Variants in GLUD1 observed in about 807,000 individuals in gnomAD.
GLUD1 encodes glutamate dehydrogenase 1, mitochondrial.
GLUD1 carries 22 observed loss-of-function variants against 56.0 expected under a neutral mutation model. The observed-to-expected ratio is 0.39, with a 90% CI of 0.28 to 0.56. The LOEUF is 0.56. Ranked by LOEUF, GLUD1 falls within the 20% of genes least tolerant of loss-of-function variation. The pLI, the probability that GLUD1 is intolerant of heterozygous loss-of-function variation, is 0.58. For synonymous variants in GLUD1, 223 were observed against 269.9 expected (o/e 0.83, Z 1.70); for missense variants, 451 against 732.0 (o/e 0.62, Z 4.43).
In GLUD1 at chr10:87,060,143, T is replaced by C. The variant is rs191637320; in HGVS notation, c.1278+18A>G. On this transcript the variant is annotated intron_variant, in intron 9 of 12. Transcript: ENST00000277865. ...GATTCTAAGTACATATAAAGCCTAATAAATATAGATGACTTACTGGAATAA... is the reference window on the plus strand; with the variant it reads ...GATTCTAAGTACATATAAAGCCTAACAAATATAGATGACTTACTGGAATAA... The C allele has an allele frequency of 3.4e-6, 5 of 1,475,808 alleles. No homozygotes were observed. The Admixed American group carries it at 6.7e-5, about 20-fold the overall frequency. The allele number at this position is 1,475,808 out of a possible 1,614,324, so 91.4% of individuals were successfully genotyped here.
At chr10:87,056,217 A>T (rs117535427) in intron 11 of GLUD1, among the ~76,000 whole-genome samples, 2,036 of 151,024 alleles carry the variant, frequency 0.013, 22 homozygotes, top group Middle Eastern at 0.031. Context: ...AAGATGTATT[A>T]TAAGATATAA....
intron 11 of GLUD1, among the ~76,000 whole-genome samples, chr10:87,054,612 G>A (rs1845717886): frequency 6.6e-6 from 1 of 152,234 alleles, no homozygotes; most frequent in African/African-American, 2.4e-5. Context: ...TCTTGGTGGA[G>A]TAGGTTCAAG....
intron 1 of GLUD1, among the ~76,000 whole-genome samples, chr10:87,080,905 G>A (rs1421598329): frequency 7.1e-6 from 1 of 140,982 alleles, no homozygotes; most frequent in Non-Finnish European, 1.5e-5. Context: ...GGGCGCCTCT[G>A]CCCAGCCGCC....
chr10:87,090,756 C>G (rs1021379564), intron 1 of GLUD1, among the ~76,000 whole-genome samples: 4 of 152,180 alleles, frequency 2.6e-5, no homozygotes, highest in African/African-American at 9.7e-5. Context: ...GCAGCAGATG[C>G]AGACACACAG....
chr10:87,084,196 T>G (rs1841330409), intron 1 of GLUD1, among the ~76,000 whole-genome samples: 1 of 152,246 alleles, frequency 6.6e-6, no homozygotes, highest in Non-Finnish European at 1.5e-5. Context: ...TGTACTACAA[T>G]GGGAACTTTT....
intron 11 of GLUD1, 89 bp downstream of exon 11, chr10:87,057,602 G>C (rs1170787668): frequency 5.0e-6 from 4 of 794,778 alleles, no homozygotes; most frequent in Non-Finnish European, 9.2e-6. Flanking sequence ...CAAAGACTAT[G>C]CCGCAGATGA....
chr10:87,055,898 G>A (rs1482112838), intron 11 of GLUD1, among the ~76,000 whole-genome samples: 1 of 151,708 alleles, frequency 6.6e-6, no homozygotes, highest in African/African-American at 2.4e-5. Flanking sequence ...GGTGGATCAC[G>A]AGGTCAGGGG....
At chr10:87,081,946 CAA>C (rs71019464) in intron 1 of GLUD1, among the ~76,000 whole-genome samples, 2,144 of 85,632 alleles carry the variant, frequency 0.025, 49 homozygotes, top group African/African-American at 0.077. Context: ...ATGATCAATA[CAA>C]AAAAAAAAAA....
At chr10:87,072,700 TCAAGTCTGATAAAATTAAG>T (rs1489658426) in intron 4 of GLUD1, among the ~76,000 whole-genome samples, 1 of 152,220 alleles carries the variant, frequency 6.6e-6, no homozygotes, top group East Asian at 1.9e-4. Flanking sequence ...TAGGTACTTG[TCAAGTCTGATAAAATTAAG>T]CTGGAGATAT....
intron 1 of GLUD1, chr10:87,089,809 A>T (rs1293990389): frequency 1.6e-6 from 1 of 643,948 alleles, no homozygotes; most frequent in East Asian, 1.4e-4. Context: ...GAAAATATTG[A>T]TTCATTTGAA....
chr10:87,084,012 T>C (rs1036542838), intron 1 of GLUD1, among the ~76,000 whole-genome samples: 1 of 152,184 alleles, frequency 6.6e-6, no homozygotes, highest in African/African-American at 2.4e-5. Flanking sequence ...TACACAGGTG[T>C]CAGCCACAGA....
chr10:87,091,792 T>C (rs1475232886), intron 1 of GLUD1, among the ~76,000 whole-genome samples: 1 of 152,148 alleles, frequency 6.6e-6, no homozygotes, highest in African/African-American at 2.4e-5. Context: ...AGGGATAAGG[T>C]TGTTCTTGAG....
intron 1 of GLUD1, among the ~76,000 whole-genome samples, chr10:87,080,395 G>A (rs1841189771): frequency 6.6e-6 from 1 of 151,838 alleles, no homozygotes; most frequent in Non-Finnish European, 1.5e-5. Flanking sequence ...CTGCCTGGCC[G>A]CCCATCGTCT....
At position 87,051,695 on chromosome 10, in the gene GLUD1, T is replaced by G. The variant is rs1564759767; in HGVS notation, c.*56A>C. The G allele has an allele frequency of 6.3e-7, 1 of 1,584,124 alleles. No homozygotes were observed. The highest frequency in any genetic ancestry group is 1.3e-5 in the African/African-American group (1 of 74,446). ...TCTGTGGTTACATGTAAACTTGTGA[T>G]AGGTCTGCAGAAGTTACATGTGAAG... On this transcript the variant is annotated 3_prime_UTR_variant, in exon 13 of 13. Transcript: ENST00000277865.
At chr10:87,052,792 C>T (rs926923313) in intron 12 of GLUD1, among the ~76,000 whole-genome samples, 2 of 150,482 alleles carry the variant, frequency 1.3e-5, no homozygotes, top group African/African-American at 4.9e-5. Flanking sequence ...TGAATTTATA[C>T]CACATACACC....
At chr10:87,058,898 GA>G (rs906796992) in intron 10 of GLUD1, among the ~76,000 whole-genome samples, 11 of 146,106 alleles carry the variant, frequency 7.5e-5, no homozygotes, top group South Asian at 2.2e-4. Context: ...CTCAAAAAAA[GA>G]AAAAAAAAAT....
intron 1 of GLUD1, among the ~76,000 whole-genome samples, chr10:87,084,429 A>G (rs1327993331): frequency 1.3e-5 from 2 of 152,258 alleles, no homozygotes; most frequent in African/African-American, 2.4e-5. Context: ...ATAAAAATCA[A>G]AAGCAGAAAC....
chr10:87,067,881 G>C (rs969121022), intron 5 of GLUD1, 182 bp downstream of exon 5: 15 of 600,412 alleles, frequency 2.5e-5, no homozygotes, highest in Admixed American at 1.8e-4. Flanking sequence ...TATAAGTAAA[G>C]CTCAATCTGT....
chr10:87,093,258 T>C (rs1276096925), intron 1 of GLUD1, among the ~76,000 whole-genome samples: 2 of 152,240 alleles, frequency 1.3e-5, no homozygotes, highest in Admixed American at 6.5e-5. Context: ...CAACATCCTC[T>C]GTGCTTCTCA....
Sources: gnomAD v4.1 joint callset for allele counts (sites outside exome capture counted in the v4.1 genomes callset) on GRCh38, gnomAD v4.1.1 for gene constraint, MANE v1.5 for transcripts, NCBI Gene and HGNC (gene_info 2026-07-23, HGNC 2026-07-21) for gene names.